Variants in CADPS observed in about 807,000 individuals in gnomAD.
The protein encoded by CADPS is calcium-dependent secretion activator 1.
Under a neutral mutation model 167.3 loss-of-function variants are expected in CADPS, and 57 were observed. The ratio of observed to expected loss-of-function variants is 0.34; its 90% CI spans 0.28 to 0.42. The LOEUF is 0.42. Among genes scored for constraint, CADPS ranks in the 20% least tolerant of loss-of-function variants. The pLI, the probability that CADPS is intolerant of heterozygous loss-of-function variation, is 1.00. For synonymous variants in CADPS, 676 were observed against 635.3 expected, an observed-to-expected ratio of 1.06 and a Z score of -0.96; for missense variants, 1,414 against 1,738.1, an observed-to-expected ratio of 0.81 and a Z score of 3.32.
At position 62,599,360 on chromosome 3, in the gene CADPS, C is replaced by A. The variant is rs1306304130; in HGVS notation, c.1326-6612G>T. Among the ~76,000 whole-genome samples, 5 of 150,122 alleles carry A rather than the reference C, an allele frequency of 3.3e-5. No individual in the cohort carries two copies. In the East Asian group the frequency reaches 7.8e-4, roughly 24 times the overall value. On this transcript the variant is annotated intron_variant, in intron 6 of 29. Transcript: ENST00000383710. The stretch of plus-strand genomic sequence containing the variant: ...TACTTATGATTTGCCAGGCCCTGGG[C>A]TTAGTGCTTCTAATGAATTATCTCA...
intron 3 of CADPS, among the ~76,000 whole-genome samples, chr3:62,720,113 A>G (rs888704706): frequency 2.0e-5 from 3 of 152,238 alleles, no homozygotes; most frequent in Non-Finnish European, 4.4e-5. Flanking sequence ...AACTGTAACC[A>G]CAGTACAATG....
chr3:62,871,530 T>C (rs983039725), intron 1 of CADPS, among the ~76,000 whole-genome samples: 15 of 152,150 alleles, frequency 9.9e-5, no homozygotes, highest in African/African-American at 3.4e-4. Context: ...GTATCTCATA[T>C]TAAAAAGATA....
intron 11 of CADPS, among the ~76,000 whole-genome samples, chr3:62,545,608 C>T (rs2076338908): frequency 6.6e-6 from 1 of 152,052 alleles, no homozygotes; most frequent in Non-Finnish European, 1.5e-5. Flanking sequence ...TAATGAATAG[C>T]AGGATCTATT....
chr3:62,756,958 T>C lies in CADPS; in HGVS notation c.556-3185A>G, dbSNP rs144825256. On this transcript the variant is annotated intron_variant, in intron 2 of 29. Transcript: ENST00000383710. ...GTTGTTGGTCTTCATTTTAAGGGCA[T>C]TGGAAAGCCATTGAAAGTTTTAAGC... is the stretch of plus-strand genomic sequence containing the variant. 3.5e-3 allele frequency among the ~76,000 whole-genome samples: 537 copies of C among 152,070 alleles called. 4 individuals are homozygous for C. The highest frequency in any genetic ancestry group is 0.011 in the African/African-American group (462 of 41,484).
intron 8 of CADPS, 45 bp from the exon 9 acceptor site, chr3:62,570,983 A>G (rs745683153): frequency 2.4e-6 from 3 of 1,225,266 alleles, no homozygotes; most frequent in Non-Finnish European, 3.6e-6. Flanking sequence ...TGCTTGAGTG[A>G]GTGAATTGTT....
intron 21 of CADPS, among the ~76,000 whole-genome samples, chr3:62,486,717 A>G (rs2062874116): frequency 6.6e-6 from 1 of 152,170 alleles, no homozygotes; most frequent in Non-Finnish European, 1.5e-5. Context: ...CCGATGGTAA[A>G]GTGGAAGAAA....
intron 1 of CADPS, among the ~76,000 whole-genome samples, chr3:62,856,661 C>T (rs1044853138): frequency 6.6e-6 from 1 of 151,638 alleles, no homozygotes; most frequent in Non-Finnish European, 1.5e-5. Flanking sequence ...GGCTTTCTAC[C>T]AGGAGCTCAA....
chr3:62,850,927 C>G (rs938989849), intron 1 of CADPS, among the ~76,000 whole-genome samples: 3 of 151,562 alleles, frequency 2.0e-5, no homozygotes, highest in African/African-American at 7.3e-5. Flanking sequence ...TTGGAGGTCA[C>G]TCAGGACTTG....
intron 7 of CADPS, among the ~76,000 whole-genome samples, chr3:62,587,931 G>A (rs1396929402): frequency 6.6e-6 from 1 of 152,160 alleles, no homozygotes; most frequent in Non-Finnish European, 1.5e-5. Context: ...CCTTCTGGGT[G>A]CACATGAATC....
intron 18 of CADPS, 75 bp from the exon 19 acceptor site, chr3:62,493,740 C>T: frequency 8.5e-7 from 1 of 1,181,344 alleles, no homozygotes; most frequent in Non-Finnish European, 1.2e-6. Flanking sequence ...AAATAGACAC[C>T]TGCTGTTTCC....
At chr3:62,675,533 T>C (rs1009978527) in intron 3 of CADPS, among the ~76,000 whole-genome samples, 2 of 152,068 alleles carry the variant, frequency 1.3e-5, no homozygotes, top group Non-Finnish European at 2.9e-5. Context: ...AGGAGGGAAA[T>C]AGAAGAAAGT....
intron 4 of CADPS, among the ~76,000 whole-genome samples, chr3:62,658,709 C>G (rs190261313): frequency 6.6e-6 from 1 of 152,112 alleles, no homozygotes; most frequent in East Asian, 1.9e-4. Context: ...CACCCACAGC[C>G]CCACTTCTTC....
In CADPS at chr3:62,709,713, T is replaced by C. The variant is rs1458139682; in HGVS notation, c.888+43728A>G. 1.3e-5 allele frequency among the ~76,000 whole-genome samples: 2 copies of C among 152,114 alleles called. 1 individual carries two copies. Among genetic ancestry groups the C allele is most frequent in the African/African-American group, 4.8e-5 (2 of 41,386 alleles). ...AATTTCAACACGCTCCCCAAGTGAT[T>C]CTGAGGATGGACACTGAAGATGGAG... is the stretch of plus-strand genomic sequence containing the variant. On this transcript the variant is annotated intron_variant, in intron 3 of 29. Coordinates refer to ENST00000383710, the MANE Select transcript of CADPS (RefSeq NM_003716.4).
chr3:62,674,636 A>T (rs9818310), intron 3 of CADPS, among the ~76,000 whole-genome samples: 31,994 of 152,158 alleles, frequency 0.21, 3,665 homozygotes, highest in South Asian at 0.26. Flanking sequence ...TAAGCGGCCA[A>T]ATTCTCCAAC....
intron 6 of CADPS, among the ~76,000 whole-genome samples, chr3:62,612,517 A>G (rs1351672364): frequency 6.6e-6 from 1 of 152,208 alleles, no homozygotes; most frequent in African/African-American, 2.4e-5. Flanking sequence ...GGCTAGTTCC[A>G]GGGTCTCACA....
intron 6 of CADPS, among the ~76,000 whole-genome samples, chr3:62,594,876 C>T (rs1028207063): frequency 1.6e-4 from 24 of 152,166 alleles, no homozygotes; most frequent in Admixed American, 1.2e-3. Flanking sequence ...CATTTGGGAA[C>T]GAGAGTTCAA....
chr3:62,472,080 T>A (rs1410119127), intron 24 of CADPS, among the ~76,000 whole-genome samples: 1 of 152,212 alleles, frequency 6.6e-6, no homozygotes, highest in Non-Finnish European at 1.5e-5. Context: ...AACACTGTGC[T>A]GAGTGAAAGA....
chr3:62,590,614 A>G (rs2085758298), intron 7 of CADPS, among the ~76,000 whole-genome samples: 1 of 152,038 alleles, frequency 6.6e-6, no homozygotes, highest in Non-Finnish European at 1.5e-5. Context: ...GATTCTATAG[A>G]TGAAAGCCAG....
At chr3:62,598,105 G>A (rs1450139083) in intron 6 of CADPS, among the ~76,000 whole-genome samples, 1 of 152,110 alleles carries the variant, frequency 6.6e-6, no homozygotes, top group Non-Finnish European at 1.5e-5. Context: ...ATCGTTCCAT[G>A]GGATGTCACA....
Sources: allele counts gnomAD v4.1 joint callset (sites outside exome capture counted in the v4.1 genomes callset), GRCh38; gene constraint gnomAD v4.1.1; transcripts MANE v1.5; gene names NCBI Gene and HGNC (gene_info 2026-07-23, HGNC 2026-07-21).